The following RASGEF1C variants were observed in gnomAD, a reference collection of about 807,000 sequenced individuals.
RASGEF1C encodes ras-GEF domain-containing family member 1C.
In RASGEF1C, 27 loss-of-function variants were observed where a neutral mutation model predicts 58.1. The ratio of observed to expected loss-of-function variants is 0.46; its 90% CI spans 0.34 to 0.64. RASGEF1C has a LOEUF of 0.64. Ranked by LOEUF, RASGEF1C falls within the 30% of genes least tolerant of loss-of-function variation. The probability of loss-of-function intolerance (pLI) is 0.01; values close to 1 mark genes in which losing one functional copy is unlikely to be tolerated. For synonymous variants in RASGEF1C, 243 were observed against 246.3 expected, an observed-to-expected ratio of 0.99 and a Z score of 0.13; for missense variants, 502 against 605.1, an observed-to-expected ratio of 0.83 and a Z score of 1.79.
intron 4 of RASGEF1C, among the ~76,000 whole-genome samples, chr5:180,128,959 A>AG (rs908853480): frequency 1.3e-5 from 2 of 152,236 alleles, no homozygotes; most frequent in African/African-American, 4.8e-5. Flanking sequence ...AGCCAGAGAA[A>AG]GGGAGAGAGG....
At position 180,156,253 on chromosome 5, in the gene RASGEF1C, G is replaced by A. The variant is rs977883517; in HGVS notation, c.-6-18195C>T. 1.4e-4 allele frequency among the ~76,000 whole-genome samples: 21 copies of A among 152,254 alleles called. No homozygotes were observed. The highest frequency in any genetic ancestry group is 2.8e-4 in the Non-Finnish European group (19 of 68,018). ...CATGCTGATGGTGCAAGGAGAGGAC[G>A]GCACTGCCCCTGCTGGACGGAGGCT... On this transcript the variant is annotated intron_variant, in intron 1 of 13. Coordinates refer to ENST00000361132, the MANE Select transcript of RASGEF1C (RefSeq NM_175062.4). The surrounding 1 kb of genome is among the most constrained non-coding windows in gnomAD (Gnocchi z 4.9).
intron 4 of RASGEF1C, among the ~76,000 whole-genome samples, chr5:180,129,368 C>T (rs778297671): frequency 1.6e-4 from 25 of 152,292 alleles, no homozygotes; most frequent in Non-Finnish European, 3.2e-4. Flanking sequence ...GGTTAAGCCA[C>T]GTCCTGTCCC....
rs547928859 is a variant in RASGEF1C, at chr5:180,177,259, G to A, written c.-7+31769C>T. On this transcript the variant is annotated intron_variant, in intron 1 of 13. Transcript: ENST00000361132. This position sits in a 1 kb window ranked among gnomAD's most constrained non-coding sequence, Gnocchi z 5.0. ...TCAGCCCCTCAGCCCCGAAGCCAGG[G>A]GCTGCTTTCCCTTTCCGGCCCCACC... Among the ~76,000 whole-genome samples the A allele has an allele frequency of 1.3e-5, 2 of 152,290 alleles. No homozygotes were observed. The highest frequency in any genetic ancestry group is 4.2e-4 in the South Asian group (2 of 4,818).
chr5:180,136,389 G>A lies in RASGEF1C; in HGVS notation c.427C>T (p.Pro143Ser). ...HLKDVVGRIA[P>S]CDEAYRKRMH... Reference sequence around the variant, plus strand: ...GCCCAGCTGCCCACCTCGTCACAGGGGGCGATGCGGCCCACGACGTCCTTA... The same window carrying A: ...GCCCAGCTGCCCACCTCGTCACAGGAGGCGATGCGGCCCACGACGTCCTTA... The change falls in exon 4 of 14, where the codon CCC (proline) becomes TCC (serine). Residue 143 changes from proline to serine, a missense_variant. By Grantham distance (74) the Pro-to-Ser change is moderately conservative. Coordinates refer to ENST00000361132, the MANE Select transcript of RASGEF1C (RefSeq NM_175062.4). 6.4e-7 allele frequency: 1 copy of A among 1,557,076 alleles called. No individual in the cohort carries two copies.
intron 1 of RASGEF1C, among the ~76,000 whole-genome samples, chr5:180,160,172 CT>C (rs1233700664): frequency 1.3e-5 from 2 of 152,204 alleles, no homozygotes; most frequent in African/African-American, 4.8e-5. Context: ...CAAATCTCGT[CT>C]GTTCCTGGTG....
chr5:180,132,955 G>C lies in RASGEF1C; in HGVS notation c.438+3423C>G, dbSNP rs549761856. On this transcript the variant is annotated intron_variant, in intron 4 of 13. Transcript: ENST00000361132. ...TGTACTCCAGCCTGGGTGACAGAGA[G>C]AGACTCCGTCTCAGAAAAAAAAAAA... Among the ~76,000 whole-genome samples, 13 of 142,310 alleles carry C rather than the reference G, an allele frequency of 9.1e-5. No homozygotes were observed. The South Asian group carries it at 3.1e-3, about 34-fold the overall frequency. 93.4% of individuals were successfully genotyped at this position (142,310 alleles called of 152,430 possible). A position where few individuals can be genotyped will look rare whatever the true frequency, so the allele number is the denominator to read the frequency against.
chr5:180,125,659 G>A (rs2113262444), intron 6 of RASGEF1C, among the ~76,000 whole-genome samples: 1 of 152,190 alleles, frequency 6.6e-6, no homozygotes, highest in South Asian at 2.1e-4. Flanking sequence ...GCGCATGCCT[G>A]TAATCCCAGC....
At chr5:180,122,194 T>G (rs1561734805) in intron 6 of RASGEF1C, among the ~76,000 whole-genome samples, 1 of 152,202 alleles carries the variant, frequency 6.6e-6, no homozygotes, top group Non-Finnish European at 1.5e-5. Flanking sequence ...AGCCTAACCT[T>G]GCATTTCCCC....
In RASGEF1C at chr5:180,101,417, G is replaced by T; in HGVS notation, c.*84C>A. 6.5e-7 allele frequency: 1 copy of T among 1,538,958 alleles called. No homozygotes were observed. Among genetic ancestry groups the T allele is most frequent in the Non-Finnish European group, 8.9e-7 (1 of 1,126,954 alleles). On this transcript the variant is annotated 3_prime_UTR_variant, in exon 14 of 14. Coordinates refer to ENST00000361132, the MANE Select transcript of RASGEF1C (RefSeq NM_175062.4). The stretch of plus-strand genomic sequence containing the variant: ...TTGCAAAATAGTGAGGCACTCCCTG[G>T]CCTCTGCCCACTGGGCCACTGAGGC...
intron 1 of RASGEF1C, among the ~76,000 whole-genome samples, chr5:180,160,785 C>G (rs775884677): frequency 6.6e-6 from 1 of 152,204 alleles, no homozygotes; most frequent in African/African-American, 2.4e-5. Context: ...GAGAACGTCC[C>G]TGTAAAACCA....
Position 180,137,845 on chromosome 5 carries a change from C to T in RASGEF1C, c.177+31G>A, listed in dbSNP as rs1766510329. 1 of 1,606,058 alleles carries T rather than the reference C, an allele frequency of 6.2e-7. No individual in the cohort carries two copies. Among genetic ancestry groups the T allele is most frequent in the Non-Finnish European group, 8.5e-7 (1 of 1,176,534 alleles). On this transcript the variant is annotated intron_variant, in intron 2 of 13. Transcript: ENST00000361132. This position sits in a 1 kb window ranked among gnomAD's most constrained non-coding sequence, Gnocchi z 4.1. ...CCCCCGTGCGTGGTGGAGGAGAGCC[C>T]ACTCTCCTGCCCGCTGGGTGGATCA...
intron 1 of RASGEF1C, among the ~76,000 whole-genome samples, chr5:180,205,989 C>G (rs912808471): frequency 6.6e-6 from 1 of 152,212 alleles, no homozygotes; most frequent in Admixed American, 6.5e-5. Flanking sequence ...CCTGCCTCAG[C>G]CTTCCCAAGT....
At chr5:180,171,403 G>A (rs539730930) in intron 1 of RASGEF1C, among the ~76,000 whole-genome samples, 6 of 152,254 alleles carry the variant, frequency 3.9e-5, no homozygotes, top group South Asian at 2.1e-4. Flanking sequence ...CCTACAGCCC[G>A]GGGAATCCAA....
chr5:180,199,016 G>C (rs1756332223), intron 1 of RASGEF1C, among the ~76,000 whole-genome samples: 1 of 152,022 alleles, frequency 6.6e-6, no homozygotes, highest in Admixed American at 6.6e-5. Flanking sequence ...AGCACATCCT[G>C]GCAAAGCCTA....
At chr5:180,111,230 G>A (rs1047253381) in intron 12 of RASGEF1C, among the ~76,000 whole-genome samples, 1 of 152,116 alleles carries the variant, frequency 6.6e-6, no homozygotes, top group Non-Finnish European at 1.5e-5. Flanking sequence ...GCCTGGCCCC[G>A]GGGGTCCTTG....
intron 1 of RASGEF1C, among the ~76,000 whole-genome samples, chr5:180,153,341 T>C (rs1488744235): frequency 1.3e-5 from 2 of 152,178 alleles, no homozygotes; most frequent in African/African-American, 4.8e-5. Context: ...CACAAACACA[T>C]GCACAGCCTG....
Position 180,198,228 on chromosome 5 carries a change from C to T in RASGEF1C, c.-7+10800G>A, listed in dbSNP as rs1756315118. 6.6e-6 allele frequency among the ~76,000 whole-genome samples: 1 copy of T among 152,238 alleles called. No individual in the cohort carries two copies. The highest frequency in any genetic ancestry group is 6.5e-5 in the Admixed American group (1 of 15,280). On this transcript the variant is annotated intron_variant, in intron 1 of 13. Transcript: ENST00000361132. The surrounding 1 kb of genome is among the most constrained non-coding windows in gnomAD (Gnocchi z 4.5). ...GGCCCCAGCCCCAGACAGCGCCACC[C>T]AGCAGAAGAGGACCAGGACCCCTGC... is the stretch of plus-strand genomic sequence containing the variant.
rs776378025 is a variant in RASGEF1C at position 180,137,736 on chromosome 5, GCA to G, written c.178-26_178-25del. ...TTCTGGGGGACACACGAGAAAGAGG[GCA>G]CAGGCTCAGGAGGGCACCAGGAGGG... On this transcript the variant is annotated intron_variant, in intron 2 of 13. Coordinates refer to ENST00000361132, the MANE Select transcript of RASGEF1C (RefSeq NM_175062.4). This position sits in a 1 kb window ranked among gnomAD's most constrained non-coding sequence, Gnocchi z 4.1. 6.2e-7 allele frequency: 1 copy of G among 1,612,410 alleles called. No individual in the cohort carries two copies. The highest frequency in any genetic ancestry group is 1.7e-5 in the Admixed American group (1 of 59,986).
intron 1 of RASGEF1C, among the ~76,000 whole-genome samples, chr5:180,162,960 C>T (rs1316402796): frequency 6.6e-6 from 1 of 152,122 alleles, no homozygotes; most frequent in Non-Finnish European, 1.5e-5. Flanking sequence ...TTGCTAGATT[C>T]ATACCTAAGT....
Sources: allele counts gnomAD v4.1 joint callset (sites outside exome capture counted in the v4.1 genomes callset), GRCh38; gene constraint gnomAD v4.1.1; non-coding constraint Gnocchi (gnomAD v3.1); transcripts MANE v1.5; gene names NCBI Gene and HGNC (gene_info 2026-07-23, HGNC 2026-07-21).